PDE8B: variants seen among roughly 807,000 people sequenced by gnomAD.
PDE8B encodes the protein high affinity cAMP-specific and IBMX-insensitive 3',5'-cyclic phosphodiesterase 8B.
Under a neutral mutation model 101.3 loss-of-function variants are expected in PDE8B, and 26 were observed. The observed-to-expected ratio is 0.26, with a 90% confidence interval of 0.19 to 0.36. The LOEUF is 0.36. Ranked by LOEUF, PDE8B falls within the 10% of genes least tolerant of loss-of-function variation. The pLI is 1.00. For synonymous variants in PDE8B, 424 were observed against 429.3 expected, an observed-to-expected ratio of 0.99 and a Z score of 0.15; for missense variants, 810 against 1,163.1, an observed-to-expected ratio of 0.70 and a Z score of 4.42.
At chr5:77,115,390 A>G in the PDE8B span, 1 of 152,250 alleles carries the variant, frequency 6.6e-6, no homozygotes, top group Non-Finnish European at 1.5e-5. Context: ...CCTACAAAGC[A>G]TACTAGGAAT....
chr5:77,417,214 A>G lies in PDE8B; in HGVS notation c.1912-1015A>G, dbSNP rs950183038. Among the ~76,000 whole-genome samples the G allele has an allele frequency of 1.2e-4, 18 of 152,296 alleles. No individual in the cohort carries two copies. The South Asian group carries it at 2.7e-3, about 23-fold the overall frequency. On this transcript the variant is annotated intron_variant, in intron 17 of 21. Transcript: ENST00000264917. ...GCATGCAACTAGGAGTTACTTTATC[A>G]GATAGCACAAATAGAACGCATTCCT...
chr5:77,260,742 C>T (rs1188331697), intron 1 of PDE8B, among the ~76,000 whole-genome samples: 2 of 151,946 alleles, frequency 1.3e-5, no homozygotes, highest in East Asian at 1.9e-4. Context: ...CATGTACCAC[C>T]ACACCCAGCT....
the PDE8B span, among the ~76,000 whole-genome samples, chr5:77,108,913 C>T: frequency 1.3e-5 from 2 of 152,102 alleles, no homozygotes; most frequent in East Asian, 3.8e-4. Context: ...AGAGAAGACA[C>T]ATTTGCTCCA....
At chr5:77,373,421 A>G (rs1785440158) in intron 10 of PDE8B, among the ~76,000 whole-genome samples, 1 of 152,340 alleles carries the variant, frequency 6.6e-6, no homozygotes, top group Non-Finnish European at 1.5e-5. Context: ...TGAAGCCATC[A>G]CCACAATCAA....
At chr5:77,097,693 CTATA>C in the PDE8B span, among the ~76,000 whole-genome samples, 16 of 30,174 alleles carry the variant, frequency 5.3e-4, no homozygotes, top group African/African-American at 1.7e-3. Context: ...TTTTATATAT[CTATA>C]TATATATATC....
chr5:77,386,124 G>A (rs1417429890), intron 10 of PDE8B, among the ~76,000 whole-genome samples: 2 of 152,146 alleles, frequency 1.3e-5, no homozygotes, highest in Admixed American at 6.5e-5. Flanking sequence ...TAATTTCATT[G>A]CACTGTGGTC....
chr5:77,137,964 C>T, the PDE8B span, among the ~76,000 whole-genome samples: 1 of 151,944 alleles, frequency 6.6e-6, no homozygotes, highest in African/African-American at 2.4e-5. Flanking sequence ...AGCATGGTTG[C>T]CAAGGTAGCT....
chr5:77,327,559 C>A (rs1776272194), intron 3 of PDE8B, among the ~76,000 whole-genome samples: 1 of 152,108 alleles, frequency 6.6e-6, no homozygotes, highest in Non-Finnish European at 1.5e-5. Context: ...TTAGTGTTTC[C>A]CTAGAGATAA....
At chr5:77,287,932 T>G (rs1561473424) in intron 1 of PDE8B, among the ~76,000 whole-genome samples, 1 of 152,236 alleles carries the variant, frequency 6.6e-6, no homozygotes, top group Non-Finnish European at 1.5e-5. Flanking sequence ...CTGTTTAATG[T>G]TTTTTCCCTC....
chr5:77,099,674 C>T, the PDE8B span, among the ~76,000 whole-genome samples: 2 of 151,276 alleles, frequency 1.3e-5, no homozygotes, highest in African/African-American at 2.4e-5. Context: ...TGCAGTGGTG[C>T]GATCTCAACT....
At chr5:77,409,208 T>C (rs919889738) in intron 14 of PDE8B, 151 bp downstream of exon 14, 15 of 710,254 alleles carry the variant, frequency 2.1e-5, no homozygotes, top group African/African-American at 3.5e-5. Flanking sequence ...AGAATTTATG[T>C]ATAACATGTG....
At chr5:77,378,963 A>C (rs1469543903) in intron 10 of PDE8B, among the ~76,000 whole-genome samples, 1 of 152,106 alleles carries the variant, frequency 6.6e-6, no homozygotes, top group Non-Finnish European at 1.5e-5. Flanking sequence ...TATTTGAAAG[A>C]CATTAGAGAG....
chr5:77,296,708 T>C (rs1403359042), intron 1 of PDE8B, among the ~76,000 whole-genome samples: 3 of 152,228 alleles, frequency 2.0e-5, no homozygotes, highest in African/African-American at 7.2e-5. Context: ...TTGACTCTTA[T>C]TGATTGTGGT....
At chr5:77,300,147 G>A (rs1769585059) in intron 1 of PDE8B, among the ~76,000 whole-genome samples, 1 of 152,196 alleles carries the variant, frequency 6.6e-6, no homozygotes. Context: ...TCATCAAAAT[G>A]AGCAAGTAGG....
rs937920224 is a variant in PDE8B, at chr5:77,232,753, T to C, written c.339+21489T>C. Among the ~76,000 whole-genome samples the C allele has an allele frequency of 2.6e-5, 4 of 152,330 alleles. No individual in the cohort carries two copies. The South Asian group carries it at 8.3e-4, about 32-fold the overall frequency. On this transcript the variant is annotated intron_variant, in intron 1 of 21. Coordinates refer to ENST00000264917, the MANE Select transcript of PDE8B (RefSeq NM_003719.5). The stretch of plus-strand genomic sequence containing the variant: ...GGTTGCTAGGAAATGATTTTCGAAG[T>C]GCTCTGTGGTGATGCAGCAGGTTGA...
chr5:77,367,156 C>CACACAG (rs780178467), intron 10 of PDE8B, among the ~76,000 whole-genome samples: 17 of 113,290 alleles, frequency 1.5e-4, no homozygotes, highest in South Asian at 8.1e-4. Flanking sequence ...TTTCTCAAAA[C>CACACAG]ACACACACAC....
chr5:77,403,212 G>GC, intron 11 of PDE8B, among the ~76,000 whole-genome samples: 1 of 152,210 alleles, frequency 6.6e-6, no homozygotes, highest in South Asian at 2.1e-4. Context: ...ACATGACCGT[G>GC]CGTTTTCAGT....
chr5:77,270,282 C>T (rs1186015129), intron 1 of PDE8B, among the ~76,000 whole-genome samples: 1 of 152,108 alleles, frequency 6.6e-6, no homozygotes, highest in African/African-American at 2.4e-5. Context: ...TACAGAAATG[C>T]TACTGATTTT....
At chr5:77,225,029 T>C (rs1580414982) in intron 1 of PDE8B, among the ~76,000 whole-genome samples, 1 of 152,186 alleles carries the variant, frequency 6.6e-6, no homozygotes, top group East Asian at 1.9e-4. Flanking sequence ...GCACATGATG[T>C]CTGGTTGTGT....
Sources: allele counts gnomAD v4.1 joint callset (sites outside exome capture counted in the v4.1 genomes callset), GRCh38; gene constraint gnomAD v4.1.1; transcripts MANE v1.5; gene names NCBI Gene and HGNC (gene_info 2026-07-23, HGNC 2026-07-21).